The following PLCXD2 variants were observed in gnomAD, a reference collection of about 807,000 sequenced individuals.
PLCXD2 encodes phosphatidylinositol specific phospholipase C X domain containing 2.
In PLCXD2, 21 loss-of-function variants were observed where a neutral mutation model predicts 28.6. The observed-to-expected ratio is 0.73, with a 90% CI of 0.52 to 1.06. PLCXD2 has a LOEUF of 1.06. Among genes scored for constraint, PLCXD2 ranks in the 50% least tolerant of loss-of-function variants. The pLI is 0.00. For missense variants in PLCXD2, 369 were observed against 376.7 expected, an observed-to-expected ratio of 0.98 and a Z score of 0.17; for synonymous variants, 140 against 150.1, an observed-to-expected ratio of 0.93 and a Z score of 0.49.
At chr3:111,682,325 A>G (rs1185788354) in intron 1 of PLCXD2, among the ~76,000 whole-genome samples, 2 of 152,220 alleles carry the variant, frequency 1.3e-5, no homozygotes, top group African/African-American at 4.8e-5. Context: ...TGCCTAGGTT[A>G]TATCATCTAT....
At chr3:111,700,185 T>C (rs993094870) in intron 1 of PLCXD2, among the ~76,000 whole-genome samples, 1 of 152,200 alleles carries the variant, frequency 6.6e-6, no homozygotes, top group East Asian at 1.9e-4. Flanking sequence ...CCAGTGATTC[T>C]GATATGCATC....
At chr3:111,704,955 G>A (rs1941096720) in intron 1 of PLCXD2, among the ~76,000 whole-genome samples, 1 of 151,966 alleles carries the variant, frequency 6.6e-6, no homozygotes, top group Non-Finnish European at 1.5e-5. Flanking sequence ...TGGGACCACA[G>A]GCATGCACCA....
chr3:111,683,319 G>A (rs573994026), intron 1 of PLCXD2, among the ~76,000 whole-genome samples: 2 of 152,264 alleles, frequency 1.3e-5, no homozygotes, highest in African/African-American at 4.8e-5. Flanking sequence ...TTAGAGCATG[G>A]ATTTTATTTA....
chr3:111,710,215 T>A (rs1050330170), intron 2 of PLCXD2, among the ~76,000 whole-genome samples: 2 of 152,192 alleles, frequency 1.3e-5, no homozygotes, highest in African/African-American at 2.4e-5. Context: ...TCTAAACAAG[T>A]TTCTTCACTA....
At chr3:111,710,243 A>G (rs1941182302) in intron 2 of PLCXD2, among the ~76,000 whole-genome samples, 1 of 152,180 alleles carries the variant, frequency 6.6e-6, no homozygotes, top group South Asian at 2.1e-4. Context: ...TGTAAGTGAT[A>G]TTTTGCTAAA....
At position 111,708,160 on chromosome 3, in the gene PLCXD2, G is replaced by A; in HGVS notation, c.398G>A (p.Gly133Glu). 2 of 1,614,162 alleles carry A rather than the reference G, an allele frequency of 1.2e-6. No homozygotes were observed. The highest frequency in any genetic ancestry group is 1.7e-6 in the Non-Finnish European group (2 of 1,180,034). Residue 133 changes from glycine (G) to glutamate (E), a missense_variant, in exon 2 of 5, where the codon GGG (glycine) becomes GAG (glutamate). Physicochemically the swap from Gly to Glu is moderately conservative, Grantham distance 98. Transcript: ENST00000477665. ...GACCAGGAGATCTACTTCATCCATG[G>A]GCTTTTTGGCATCAAGGTCTGGGAT...
At chr3:111,718,507 AGATAGATAGATAGATAGATAGATAGATT>A (rs1941303249) in intron 3 of PLCXD2, among the ~76,000 whole-genome samples, 1 of 119,464 alleles carries the variant, frequency 8.4e-6, no homozygotes, top group Non-Finnish European at 1.9e-5. Context: ...ATAGATAGAT[AGATAGATAGATAGATAGATAGATAGATT>A]GATTGATTTA....
At chr3:111,677,908 A>G (rs144582269) in intron 1 of PLCXD2, among the ~76,000 whole-genome samples, 48 of 152,338 alleles carry the variant, frequency 3.2e-4, no homozygotes, top group African/African-American at 1.1e-3. Flanking sequence ...CATATTATAT[A>G]TACATATGCC....
chr3:111,713,417 G>A (rs1439350481), intron 2 of PLCXD2, among the ~76,000 whole-genome samples: 2 of 152,186 alleles, frequency 1.3e-5, no homozygotes, highest in East Asian at 3.8e-4. Context: ...GGTTATCGCA[G>A]ATATCTGAGA....
intron 1 of PLCXD2, among the ~76,000 whole-genome samples, chr3:111,684,664 A>AT (rs1445505595): frequency 1.3e-5 from 2 of 152,156 alleles, no homozygotes; most frequent in African/African-American, 4.8e-5. Context: ...AAAAAAAAAA[A>AT]AAATAAAGTT....
chr3:111,713,767 T>C (rs985758017), intron 2 of PLCXD2, 120 bp from the exon 3 acceptor site: 2 of 1,151,064 alleles, frequency 1.7e-6, no homozygotes, highest in African/African-American at 1.6e-5. Context: ...TAAACAGTTC[T>C]TGACTTTCCA....
chr3:111,683,962 G>A (rs1283957016), intron 1 of PLCXD2, among the ~76,000 whole-genome samples: 1 of 152,102 alleles, frequency 6.6e-6, no homozygotes, highest in African/African-American at 2.4e-5. Flanking sequence ...AACCAAAATA[G>A]TTTATTATGG....
Position 111,708,008 on chromosome 3 carries a change from C to T in PLCXD2, c.246C>T (p.Ala82=). Residue 82 remains alanine (A), a synonymous_variant, in exon 2 of 5, where the codon GCC becomes GCT. Transcript: ENST00000477665. The stretch of plus-strand genomic sequence containing the variant: ...AAACCCAAGCTATCAAACGCCTCGC[C>T]AGGATCTCCTTGGTGAAGAAGCTAA... 1 of 1,614,194 alleles carries T rather than the reference C, an allele frequency of 6.2e-7. No homozygotes were observed. The highest frequency in any genetic ancestry group is 8.5e-7 in the Non-Finnish European group (1 of 1,180,042).
intron 1 of PLCXD2, among the ~76,000 whole-genome samples, chr3:111,695,322 C>A (rs1940946183): frequency 6.6e-6 from 1 of 152,146 alleles, no homozygotes; most frequent in Non-Finnish European, 1.5e-5. Flanking sequence ...GCTGCTGAAA[C>A]CATGGATAGA....
intron 1 of PLCXD2, among the ~76,000 whole-genome samples, chr3:111,698,390 C>T (rs560499607): frequency 6.6e-6 from 1 of 152,306 alleles, no homozygotes; most frequent in South Asian, 2.1e-4. Context: ...GTGCCCCTAT[C>T]CACTGCGGGG....
chr3:111,722,086 T>C (rs1941353478), intron 3 of PLCXD2: 1 of 152,188 alleles, frequency 6.6e-6, no homozygotes, highest in South Asian at 2.1e-4. Context: ...GTTTTGAGCC[T>C]ACCAATCACT....
At chr3:111,677,981 G>A (rs906142445) in intron 1 of PLCXD2, among the ~76,000 whole-genome samples, 41 of 152,256 alleles carry the variant, frequency 2.7e-4, no homozygotes, top group African/African-American at 9.2e-4. Flanking sequence ...TGTTGTGTGC[G>A]TGTGCGCCCA....
chr3:111,690,675 G>T (rs746527067), intron 1 of PLCXD2, among the ~76,000 whole-genome samples: 92 of 152,230 alleles, frequency 6.0e-4, no homozygotes, highest in Non-Finnish European at 9.7e-4. Flanking sequence ...CTACTTACTG[G>T]ATTTTCTCTC....
chr3:111,701,202 C>A (rs918316495), intron 1 of PLCXD2, among the ~76,000 whole-genome samples: 1 of 152,166 alleles, frequency 6.6e-6, no homozygotes, highest in Non-Finnish European at 1.5e-5. Context: ...TACTAAGTGT[C>A]AGTATTGTTC....
Sources: allele counts gnomAD v4.1 joint callset (sites outside exome capture counted in the v4.1 genomes callset), GRCh38; gene constraint gnomAD v4.1.1; transcripts MANE v1.5; gene names NCBI Gene and HGNC (gene_info 2026-07-23, HGNC 2026-07-21).